TAFA4: variants seen among roughly 807,000 people sequenced by gnomAD.
The protein encoded by TAFA4 is TAFA chemokine like family member 4.
TAFA4 carries 20 observed loss-of-function variants against 21.1 expected under a neutral mutation model. The observed-to-expected ratio is 0.95, with a 90% CI of 0.67 to 1.38. The LOEUF is 1.38. TAFA4 is among the 40% of genes most tolerant of loss of function. The probability of loss-of-function intolerance (pLI) is 0.00; values close to 1 mark genes in which losing one functional copy is unlikely to be tolerated. For missense variants in TAFA4, 211 were observed against 180.9 expected (o/e 1.17, Z -0.95); for synonymous variants, 71 against 67.4 (o/e 1.05, Z -0.26).
At chr3:68,758,883 T>C (rs13093729) in intron 3 of TAFA4, among the ~76,000 whole-genome samples, 6,837 of 152,246 alleles carry the variant, frequency 0.045, 391 homozygotes, top group East Asian at 0.25. Flanking sequence ...ACTGGATGTA[T>C]ACATGGAGAA....
intron 3 of TAFA4, among the ~76,000 whole-genome samples, chr3:68,815,167 G>C (rs1703942420): frequency 6.6e-6 from 1 of 152,130 alleles, no homozygotes; most frequent in Non-Finnish European, 1.5e-5. Context: ...ATTAATTCAG[G>C]ATGGATTAAA....
chr3:68,876,756 C>G (rs2089553863), intron 3 of TAFA4, among the ~76,000 whole-genome samples: 1 of 151,858 alleles, frequency 6.6e-6, no homozygotes, highest in African/African-American at 2.4e-5. Context: ...AACAGAAAAC[C>G]TAAATTTCCA....
At chr3:68,740,905 C>CCTTTCCCCATTGTGTAGTCTTGTCA (rs1174788364) in intron 4 of TAFA4, among the ~76,000 whole-genome samples, 1 of 152,164 alleles carries the variant, frequency 6.6e-6, no homozygotes, top group Non-Finnish European at 1.5e-5. Flanking sequence ...AAGAGACTAT[C>CCTTTCCCCATTGTGTAGTCTTGTCA]CTTTCCCCAT....
At position 68,772,140 on chromosome 3, in the gene TAFA4, G is replaced by A. The variant is rs144643381; in HGVS notation, c.131-19122C>T. On this transcript the variant is annotated intron_variant, in intron 3 of 5. Transcript: ENST00000295569. The stretch of plus-strand genomic sequence containing the variant: ...AAATAGATGAGCTTTATGGAAGCAA[G>A]ACCATATGGAATTCAGATTTTCAAT... 1.7e-4 allele frequency among the ~76,000 whole-genome samples: 26 copies of A among 152,216 alleles called. No individual in the cohort carries two copies. In the South Asian group the frequency reaches 2.3e-3, roughly 13 times the overall value.
intron 4 of TAFA4, among the ~76,000 whole-genome samples, chr3:68,744,233 G>T (rs185279487): frequency 4.6e-5 from 7 of 152,196 alleles, no homozygotes; most frequent in Admixed American, 3.9e-4. Flanking sequence ...AGACAGGAGC[G>T]ACAGTGACGG....
chr3:68,770,720 A>C (rs1702939329), intron 3 of TAFA4, among the ~76,000 whole-genome samples: 1 of 152,192 alleles, frequency 6.6e-6, no homozygotes, highest in Non-Finnish European at 1.5e-5. Flanking sequence ...CACTTTATAA[A>C]GAAAATATTT....
At chr3:68,899,661 A>G (rs536236554) in intron 1 of TAFA4, among the ~76,000 whole-genome samples, 1 of 152,320 alleles carries the variant, frequency 6.6e-6, no homozygotes, top group East Asian at 1.9e-4. Flanking sequence ...ACATCCTGGC[A>G]GCAAGTATAC....
chr3:68,815,922 C>T (rs547415504), intron 3 of TAFA4, among the ~76,000 whole-genome samples: 1 of 152,292 alleles, frequency 6.6e-6, no homozygotes, highest in East Asian at 1.9e-4. Context: ...ACCCAAATGT[C>T]CAACAATGAT....
chr3:68,917,850 C>A (rs1268411644), intron 1 of TAFA4, among the ~76,000 whole-genome samples: 1 of 151,568 alleles, frequency 6.6e-6, no homozygotes, highest in East Asian at 1.9e-4. Flanking sequence ...TTCAACACTT[C>A]TGAGTTTTCA....
At chr3:68,861,030 A>ACCCCCCCCCCCCCCCCCCCCC (rs113804738) in intron 3 of TAFA4, among the ~76,000 whole-genome samples, 4 of 111,020 alleles carry the variant, frequency 3.6e-5, no homozygotes, top group Non-Finnish European at 3.8e-5. Context: ...TTAAATATGC[A>ACCCCCCCCCCCCCCCCCCCCC]CCCCCCCCCC....
chr3:68,849,875 G>A (rs1023810006), intron 3 of TAFA4, among the ~76,000 whole-genome samples: 1 of 152,050 alleles, frequency 6.6e-6, no homozygotes, highest in African/African-American at 2.4e-5. Flanking sequence ...CTAATCACAT[G>A]CCAGCCCCAT....
intron 3 of TAFA4, among the ~76,000 whole-genome samples, chr3:68,865,102 T>G (rs2089399431): frequency 6.6e-6 from 1 of 152,120 alleles, no homozygotes; most frequent in Admixed American, 6.6e-5. Context: ...TTTGTGCAGT[T>G]TATTTTATGT....
intron 3 of TAFA4, among the ~76,000 whole-genome samples, chr3:68,853,033 T>C (rs1704986011): frequency 6.6e-6 from 1 of 152,134 alleles, no homozygotes; most frequent in Admixed American, 6.5e-5. Flanking sequence ...AAACTGAGGG[T>C]TCTTAAACAA....
At chr3:68,782,747 G>A (rs1234377377) in intron 3 of TAFA4, among the ~76,000 whole-genome samples, 2 of 152,132 alleles carry the variant, frequency 1.3e-5, no homozygotes, top group Non-Finnish European at 2.9e-5. Context: ...GGAGAGGGAG[G>A]GGGAATGGGG....
At chr3:68,799,475 C>T (rs3937845) in intron 3 of TAFA4, among the ~76,000 whole-genome samples, 99,686 of 151,904 alleles carry the variant, frequency 0.66, 33,254 homozygotes, top group East Asian at 0.99. Flanking sequence ...GATTTCAACA[C>T]ATGAATTTTG....
In TAFA4 at chr3:68,815,379, G is replaced by C. The variant is rs527249430; in HGVS notation, c.131-62361C>G. 4.8e-4 allele frequency among the ~76,000 whole-genome samples: 73 copies of C among 152,090 alleles called. No individual in the cohort carries two copies. The East Asian group carries it at 9.3e-3, about 19-fold the overall frequency. The stretch of plus-strand genomic sequence containing the variant: ...ACTACCATCAGAGTGAACAGGCAGC[G>C]TACAGAATGGGAGAAAATTTTTGCA... On this transcript the variant is annotated intron_variant, in intron 3 of 5. Transcript: ENST00000295569.
intron 3 of TAFA4, among the ~76,000 whole-genome samples, chr3:68,783,713 A>AAAGAAAGAAGGAAAG (rs1553641278): frequency 2.5e-5 from 2 of 80,756 alleles, no homozygotes; most frequent in Non-Finnish European, 4.7e-5. Flanking sequence ...GAGAGAAAGA[A>AAAGAAAGAAGGAAAG]AAAGAAAGAA....
chr3:68,859,100 G>A (rs1306917841), intron 3 of TAFA4, among the ~76,000 whole-genome samples: 1 of 151,898 alleles, frequency 6.6e-6, no homozygotes, highest in Non-Finnish European at 1.5e-5. Flanking sequence ...GGATTATTAT[G>A]TCAAATCTTG....
chr3:68,840,413 C>T (rs1704634108), intron 3 of TAFA4, among the ~76,000 whole-genome samples: 1 of 152,098 alleles, frequency 6.6e-6, no homozygotes, highest in Non-Finnish European at 1.5e-5. Context: ...AGATACATTT[C>T]ACCATGTTGC....
Sources: allele counts gnomAD v4.1 joint callset (sites outside exome capture counted in the v4.1 genomes callset), GRCh38; gene constraint gnomAD v4.1.1; transcripts MANE v1.5; gene names NCBI Gene and HGNC (gene_info 2026-07-23, HGNC 2026-07-21).